Variants in INTS8 observed in about 807,000 individuals in gnomAD.
INTS8 encodes the protein protein kaonashi-1.
A neutral mutation model predicts 138.9 loss-of-function variants in INTS8; 47 were observed. That is an observed-to-expected ratio of 0.34 (90% CI 0.27 to 0.43). INTS8 has a LOEUF of 0.43. INTS8 is among the 20% of genes least tolerant of loss of function. INTS8 has a pLI of 1.00. For missense variants in INTS8, 996 were observed against 1,173.0 expected (o/e 0.85, Z 2.20); for synonymous variants, 392 against 400.9 (o/e 0.98, Z 0.27).
Position 94,876,273 on chromosome 8 carries a change from G to T in INTS8, c.2815G>T (p.Glu939Ter). 1 of 1,610,408 alleles carries T rather than the reference G, an allele frequency of 6.2e-7. No individual in the cohort carries two copies. The highest frequency in any genetic ancestry group is 1.1e-5 in the South Asian group (1 of 90,916). ...YDYIWDVTIL[E>*]YLTYLHHKRG... ...CTACATATGGGATGTTACCATTTTG[G>T]AATACTTGACTTGTATCCTTTCATC... Residue 939 changes from glutamate to a stop codon, truncating the protein, a stop_gained, in exon 25 of 27, where the codon GAA (glutamate) becomes TAA (stop). Coordinates refer to ENST00000523731, the MANE Select transcript of INTS8 (RefSeq NM_017864.4). LOFTEE classifies it high-confidence loss of function.
rs1554603366 is a variant in INTS8, at chr8:94,823,502, G to A, written c.71G>A (p.Trp24Ter). The change falls in exon 1 of 27, where the codon TGG becomes TAG. Residue 24 changes from tryptophan (W) to a stop codon, truncating the protein, a stop_gained. Coordinates refer to ENST00000523731, the MANE Select transcript of INTS8 (RefSeq NM_017864.4). LOFTEE classifies it high-confidence loss of function. ...SRPCTPPQTC[W>*]FEFLLEESLL... The stretch of plus-strand genomic sequence containing the variant: ...CCCTGCACCCCGCCGCAGACCTGCT[G>A]GTTTGAGTTTCTGCTGGAGGAGTCA... The A allele has an allele frequency of 6.4e-7, 1 of 1,564,160 alleles. No individual in the cohort carries two copies. The highest frequency in any genetic ancestry group is 8.7e-7 in the Non-Finnish European group (1 of 1,154,788).
chr8:94,830,655 A>G (rs968495794), intron 5 of INTS8, among the ~76,000 whole-genome samples: 3 of 151,966 alleles, frequency 2.0e-5, no homozygotes, highest in African/African-American at 7.2e-5. Context: ...GTGCCACCAC[A>G]CTAGACTAAT....
At chr8:94,844,734 GTTTGAC>G (rs1489740407) in intron 10 of INTS8, among the ~76,000 whole-genome samples, 1 of 149,612 alleles carries the variant, frequency 6.7e-6, no homozygotes, top group Admixed American at 6.7e-5. Context: ...TCTTCACTGA[GTTTGAC>G]TTTTAGTTTT....
At chr8:94,872,498 T>G (rs867445886) in intron 21 of INTS8, among the ~76,000 whole-genome samples, 11 of 152,214 alleles carry the variant, frequency 7.2e-5, no homozygotes, top group Non-Finnish European at 1.6e-4. Flanking sequence ...CCTCCCAAAT[T>G]GTTAGGATTA....
intron 16 of INTS8, among the ~76,000 whole-genome samples, chr8:94,862,022 C>A (rs958972254): frequency 6.6e-6 from 1 of 151,962 alleles, no homozygotes; most frequent in African/African-American, 2.4e-5. Context: ...CTCATTGCAA[C>A]CTCTACCTCC....
chr8:94,873,536 TC>T, intron 22 of INTS8, 59 bp downstream of exon 22: 1 of 1,121,130 alleles, frequency 8.9e-7, no homozygotes, highest in Non-Finnish European at 1.4e-6. Context: ...TCTTCCTGGG[TC>T]CCCTTTTGGC....
At chr8:94,851,711 A>C in intron 13 of INTS8, 25 bp downstream of exon 13, 2 of 1,547,992 alleles carry the variant, frequency 1.3e-6, no homozygotes, top group Non-Finnish European at 1.7e-6. Context: ...AAGAACAGAT[A>C]AGAAAATTGC....
At chr8:94,841,358 A>C in intron 8 of INTS8, 133 bp from the exon 9 acceptor site, 1 of 493,860 alleles carries the variant, frequency 2.0e-6, no homozygotes. Context: ...TTTTAGGAAG[A>C]AAAGGTTTTC....
At chr8:94,869,474 T>TTA (rs1311239421) in intron 20 of INTS8, among the ~76,000 whole-genome samples, 1 of 151,954 alleles carries the variant, frequency 6.6e-6, no homozygotes, top group Non-Finnish European at 1.5e-5. Flanking sequence ...ATTTTTATTT[T>TTA]TATTTATTTA....
chr8:94,831,164 A>G (rs1228016122), intron 5 of INTS8, among the ~76,000 whole-genome samples: 1 of 152,006 alleles, frequency 6.6e-6, no homozygotes, highest in South Asian at 2.1e-4. Flanking sequence ...CCCAGGCTGG[A>G]GTGCAGTGGC....
intron 10 of INTS8, among the ~76,000 whole-genome samples, chr8:94,844,202 C>A (rs1427318816): frequency 6.6e-6 from 1 of 152,032 alleles, no homozygotes; most frequent in African/African-American, 2.4e-5. Flanking sequence ...CCACGCCTGG[C>A]TAATTTTTGT....
At chr8:94,874,072 G>A (rs150111106) in intron 22 of INTS8, among the ~76,000 whole-genome samples, 151 of 152,118 alleles carry the variant, frequency 9.9e-4, no homozygotes, top group Admixed American at 3.3e-3. Context: ...TGTGATAAGA[G>A]CACCTAAAAT....
intron 20 of INTS8, among the ~76,000 whole-genome samples, chr8:94,871,298 C>T (rs1400262867): frequency 7.4e-6 from 1 of 135,616 alleles, no homozygotes; most frequent in Non-Finnish European, 1.6e-5. Context: ...GAAACCCCGT[C>T]TCTACTAAAA....
In INTS8 at chr8:94,828,108, C is replaced by T. The variant is rs1563639806; in HGVS notation, c.518+315C>T. Among the ~76,000 whole-genome samples the T allele has an allele frequency of 2.0e-5, 3 of 149,124 alleles. No individual in the cohort carries two copies. In the South Asian group the frequency reaches 6.4e-4, roughly 32 times the overall value. On this transcript the variant is annotated intron_variant, in intron 4 of 26. Transcript: ENST00000523731. ...AGGCTGGAATGCAGTGGTGTGATCTCGGCTCACTGCAGCCTCCACCTCCTG... is the reference window on the plus strand; with the variant it reads ...AGGCTGGAATGCAGTGGTGTGATCTTGGCTCACTGCAGCCTCCACCTCCTG...
intron 6 of INTS8, among the ~76,000 whole-genome samples, chr8:94,834,703 CAA>C (rs1180267625): frequency 2.2e-4 from 19 of 85,038 alleles, no homozygotes; most frequent in Admixed American, 6.4e-4. Context: ...AACTCCATCT[CAA>C]AAAAAAAAAA....
intron 16 of INTS8, among the ~76,000 whole-genome samples, chr8:94,860,886 C>G (rs1454761230): frequency 6.6e-6 from 1 of 151,196 alleles, no homozygotes; most frequent in Non-Finnish European, 1.5e-5. Flanking sequence ...AAACCCCGTC[C>G]TTACTAAAAA....
At chr8:94,861,723 TGTA>T (rs1321403075) in intron 16 of INTS8, among the ~76,000 whole-genome samples, 1 of 151,390 alleles carries the variant, frequency 6.6e-6, no homozygotes, top group Non-Finnish European at 1.5e-5. Context: ...TGGCTAATTT[TGTA>T]TTTTTAGTAG....
At chr8:94,846,112 A>G (rs1815324053) in intron 10 of INTS8, among the ~76,000 whole-genome samples, 1 of 152,210 alleles carries the variant, frequency 6.6e-6, no homozygotes, top group Non-Finnish European at 1.5e-5. Flanking sequence ...TAGTTTATGC[A>G]TTGATACAGA....
intron 13 of INTS8, 106 bp from the exon 14 acceptor site, chr8:94,853,699 C>T (rs1466287658): frequency 4.8e-6 from 3 of 627,872 alleles, no homozygotes; most frequent in African/African-American, 1.8e-5. Context: ...AGAGACGACC[C>T]GTGAGTTATT....
Sources: allele counts gnomAD v4.1 joint callset (sites outside exome capture counted in the v4.1 genomes callset), GRCh38; gene constraint gnomAD v4.1.1; transcripts MANE v1.5; gene names NCBI Gene and HGNC (gene_info 2026-07-23, HGNC 2026-07-21).